The following PKHD1 variants were observed in gnomAD, a reference collection of about 807,000 sequenced individuals.
The protein encoded by PKHD1 is fibrocystin.
PKHD1 carries 291 observed loss-of-function variants against 412.0 expected under a neutral mutation model. That is an observed-to-expected ratio of 0.71 (90% CI 0.64 to 0.78). The LOEUF (loss-of-function observed/expected upper bound fraction) is 0.78, where lower values mean the gene tolerates loss of function less well. PKHD1 is among the 30% of genes least tolerant of loss of function. The pLI is 0.00. For missense variants in PKHD1, 4,825 were observed against 4,950.7 expected, an observed-to-expected ratio of 0.97 and a Z score of 0.76; for synonymous variants, 1,777 against 1,821.5, an observed-to-expected ratio of 0.98 and a Z score of 0.62.
chr6:51,731,352 A>G (rs1783213103), intron 60 of PKHD1, among the ~76,000 whole-genome samples: 2 of 152,210 alleles, frequency 1.3e-5, no homozygotes, highest in African/African-American at 2.4e-5. Flanking sequence ...CTTGTGGAAC[A>G]CTGATATTAC....
chr6:51,804,656 T>C (rs896104990), intron 52 of PKHD1, among the ~76,000 whole-genome samples: 1 of 152,056 alleles, frequency 6.6e-6, no homozygotes, highest in Non-Finnish European at 1.5e-5. Flanking sequence ...CATAATACTA[T>C]GAGAGTAACA....
chr6:51,682,289 A>C (rs1353587516), intron 60 of PKHD1: 1 of 448,978 alleles, frequency 2.2e-6, no homozygotes, highest in Non-Finnish European at 4.5e-6. Flanking sequence ...TCTAAACACA[A>C]GTTTTCTTTA....
At chr6:52,077,349 C>G (rs1811467566) in intron 5 of PKHD1, among the ~76,000 whole-genome samples, 2 of 152,132 alleles carry the variant, frequency 1.3e-5, no homozygotes, top group African/African-American at 2.4e-5. Context: ...CTGGCCAGAC[C>G]AAGGCTTGAC....
In PKHD1 at chr6:52,071,015, C is replaced by T. The variant is rs199897497; in HGVS notation, c.658G>A (p.Asp220Asn). Residue 220 changes from aspartate to asparagine, a missense_variant, in exon 9 of 67, where the codon GAC (aspartate) becomes AAC (asparagine). Transcript: ENST00000371117. Reference sequence around the variant, plus strand: ...TACTTCTCTAACAGACCGATGTAGTCGCCTTCCACATGGCACTGCAGAGTC... The same window carrying T: ...TACTTCTCTAACAGACCGATGTAGTTGCCTTCCACATGGCACTGCAGAGTC... ...LGTLQCHVEG[D>N]YIGSQNVSFS... The T allele has an allele frequency of 1.6e-4, 252 of 1,594,264 alleles. 1 individual carries two copies. The highest frequency in any genetic ancestry group is 6.7e-4 in the Middle Eastern group (4 of 6,010).
chr6:51,667,948 GCCTTGTAGTATAGTTTGAA>G (rs1258258837), intron 60 of PKHD1, among the ~76,000 whole-genome samples: 2 of 152,102 alleles, frequency 1.3e-5, no homozygotes, highest in East Asian at 3.9e-4. Flanking sequence ...GGTTACTGTA[GCCTTGTAGTATAGTTTGAA>G]GTCAGGTCGC....
intron 61 of PKHD1, among the ~76,000 whole-genome samples, chr6:51,652,297 C>T (rs554014563): frequency 1.9e-4 from 29 of 152,124 alleles, no homozygotes; most frequent in South Asian, 1.2e-3. Flanking sequence ...TCTTGCTTTT[C>T]GATTCCACCA....
intron 61 of PKHD1, among the ~76,000 whole-genome samples, chr6:51,655,850 G>A (rs1046531979): frequency 6.6e-6 from 1 of 152,148 alleles, no homozygotes; most frequent in African/African-American, 2.4e-5. Context: ...AGATGCTGGT[G>A]AGCCTGTGGA....
chr6:51,739,035 T>C (rs1447698070), intron 60 of PKHD1, among the ~76,000 whole-genome samples: 1 of 148,444 alleles, frequency 6.7e-6, no homozygotes, highest in African/African-American at 2.4e-5. Flanking sequence ...GTACTTTATA[T>C]ATATATATTT....
intron 52 of PKHD1, among the ~76,000 whole-genome samples, chr6:51,793,552 T>A (rs1374917194): frequency 1.3e-5 from 2 of 152,166 alleles, no homozygotes; most frequent in East Asian, 1.9e-4. Context: ...TGTGTGTTGT[T>A]CCCTGCCTTG....
At chr6:52,034,361 G>A (rs1181713749) in intron 28 of PKHD1, among the ~76,000 whole-genome samples, 2 of 151,050 alleles carry the variant, frequency 1.3e-5, no homozygotes, top group South Asian at 2.1e-4. Flanking sequence ...GGGAGGAGGG[G>A]CAGGAAAACA....
intron 35 of PKHD1, among the ~76,000 whole-genome samples, chr6:51,997,053 T>C (rs978779121): frequency 2.0e-5 from 3 of 152,238 alleles, no homozygotes; most frequent in South Asian, 2.1e-4. Context: ...GTTGGATCAA[T>C]GAGTCATGAA....
intron 52 of PKHD1, among the ~76,000 whole-genome samples, chr6:51,815,735 G>A (rs1415584487): frequency 1.3e-5 from 2 of 152,058 alleles, no homozygotes; most frequent in East Asian, 3.9e-4. Flanking sequence ...CCAAGACCAA[G>A]GCCTCAGAAA....
Position 51,909,351 on chromosome 6 carries a change from T to C in PKHD1, c.6614A>G (p.Gln2205Arg), listed in dbSNP as rs1782618629. 1.2e-6 allele frequency: 2 copies of C among 1,613,588 alleles called. No individual in the cohort carries two copies. Among genetic ancestry groups the C allele is most frequent in the Admixed American group, 3.3e-5 (2 of 59,932 alleles). Residue 2205 changes from glutamine (Q) to arginine (R), a missense_variant, in exon 40 of 67, where the codon CAG (glutamine) becomes CGG (arginine). By Grantham distance (43) the Gln-to-Arg change is conservative. Coordinates refer to ENST00000371117, the MANE Select transcript of PKHD1 (RefSeq NM_138694.4). ...EPSQVQLKGVQFQVLGQAFHK... is the reference protein window; with the variant it reads ...EPSQVQLKGVRFQVLGQAFHK... The stretch of plus-strand genomic sequence containing the variant: ...GAAGGCTTGCCCCAAGACTTGAAAC[T>C]GCACTCCCTTCAACTGGACCTGGCT...
intron 10 of PKHD1, 102 bp from the exon 11 acceptor site, chr6:52,069,629 G>T: frequency 1.2e-6 from 1 of 843,498 alleles, no homozygotes; most frequent in Non-Finnish European, 2.1e-6. Flanking sequence ...AACCTCTATT[G>T]ATCTTTAGAA....
intron 60 of PKHD1, among the ~76,000 whole-genome samples, chr6:51,725,240 G>A (rs1056005036): frequency 6.6e-6 from 1 of 152,204 alleles, no homozygotes; most frequent in East Asian, 1.9e-4. Flanking sequence ...GTGGGACCAT[G>A]TAAAACCTAC....
At chr6:51,808,393 T>A (rs1764171286) in intron 52 of PKHD1, among the ~76,000 whole-genome samples, 1 of 152,184 alleles carries the variant, frequency 6.6e-6, no homozygotes, top group Non-Finnish European at 1.5e-5. Flanking sequence ...AATCTTTTTC[T>A]CTTTGAATTT....
chr6:51,675,673 A>G (rs1775721080), intron 60 of PKHD1, among the ~76,000 whole-genome samples: 1 of 152,172 alleles, frequency 6.6e-6, no homozygotes, highest in Non-Finnish European at 1.5e-5. Flanking sequence ...TGACTTTCAT[A>G]ATCAATGTGA....
rs916397757 is a variant in PKHD1, at chr6:51,616,527, A to G, written c.*2554T>C. Reference sequence around the variant, plus strand: ...CTTTTGGTGTTTCCCTAATTCTCTCATTTTTTTTTTTTTTTAGGAGAAAGA... The same window carrying G: ...CTTTTGGTGTTTCCCTAATTCTCTCGTTTTTTTTTTTTTTTAGGAGAAAGA... On this transcript the variant is annotated 3_prime_UTR_variant, in exon 67 of 67. Transcript: ENST00000371117. The G allele has an allele frequency of 9.0e-6, 3 of 334,856 alleles. No homozygotes were observed. Among genetic ancestry groups the G allele is most frequent in the African/African-American group, 6.8e-5 (3 of 44,158 alleles). The allele number at this position is 334,856 out of a possible 1,614,324, so 20.7% of individuals were successfully genotyped here. A position where few individuals can be genotyped will look rare whatever the true frequency, so the allele number is the denominator to read the frequency against.
chr6:51,994,387 G>A (rs1054819643), intron 35 of PKHD1, among the ~76,000 whole-genome samples: 3 of 152,026 alleles, frequency 2.0e-5, no homozygotes, highest in South Asian at 2.1e-4. Flanking sequence ...CGCCCACCTC[G>A]GCCTCCCAGA....
Sources: allele counts gnomAD v4.1 joint callset (sites outside exome capture counted in the v4.1 genomes callset), GRCh38; gene constraint gnomAD v4.1.1; transcripts MANE v1.5; gene names NCBI Gene and HGNC (gene_info 2026-07-23, HGNC 2026-07-21).